The following NALF1 variants were observed in gnomAD, a reference collection of about 807,000 sequenced individuals.
NALF1 encodes family with sequence similarity 155 member A.
Under a neutral mutation model 48.4 loss-of-function variants are expected in NALF1, and 3 were observed. The observed-to-expected ratio is 0.06, with a 90% confidence interval of 0.03 to 0.16. NALF1 has a LOEUF of 0.16. NALF1 is among the 10% of genes least tolerant of loss of function. The probability of loss-of-function intolerance (pLI) is 1.00; values close to 1 mark genes in which losing one functional copy is unlikely to be tolerated. For synonymous variants in NALF1, 262 were observed against 245.7 expected, an observed-to-expected ratio of 1.07 and a Z score of -0.62; for missense variants, 526 against 571.5, an observed-to-expected ratio of 0.92 and a Z score of 0.81.
intron 1 of NALF1, among the ~76,000 whole-genome samples, chr13:107,524,723 G>A (rs1403997502): frequency 5.3e-5 from 8 of 152,194 alleles, no homozygotes; most frequent in South Asian, 4.1e-4. Flanking sequence ...TAGGGAAAAC[G>A]AATAAGATGG....
At position 107,173,422 on chromosome 13, in the gene NALF1, G is replaced by GT. The variant is rs879439265; in HGVS notation, c.1088-2637dup. ...CAATTTTCTATCCCTATACCACTTC[G>GT]TTTTTTTTTCTACAGATAATACTTG... On this transcript the variant is annotated intron_variant, in intron 2 of 2. Coordinates refer to ENST00000375915, the MANE Select transcript of NALF1 (RefSeq NM_001080396.3). 8.6e-5 allele frequency among the ~76,000 whole-genome samples: 13 copies of GT among 150,770 alleles called. 1 individual carries two copies. The highest frequency in any genetic ancestry group is 6.8e-3 in the Middle Eastern group (2 of 292).
chr13:107,199,689 C>T (rs545555246), intron 2 of NALF1, among the ~76,000 whole-genome samples: 19 of 152,242 alleles, frequency 1.2e-4, no homozygotes, highest in African/African-American at 2.4e-4. Flanking sequence ...TGTGTGGCGG[C>T]GGTGTGAACT....
intron 1 of NALF1, among the ~76,000 whole-genome samples, chr13:107,637,462 C>T (rs997965130): frequency 1.3e-5 from 2 of 152,072 alleles, no homozygotes; most frequent in African/African-American, 4.8e-5. Flanking sequence ...TATATTCTAA[C>T]CCCCCTAAAA....
At chr13:107,320,268 A>G (rs1882228585) in intron 1 of NALF1, among the ~76,000 whole-genome samples, 1 of 152,084 alleles carries the variant, frequency 6.6e-6, no homozygotes, top group Admixed American at 6.6e-5. Flanking sequence ...TCAGGAGAAA[A>G]ACACCCCATC....
At chr13:107,555,957 C>T (rs1877461772) in intron 1 of NALF1, among the ~76,000 whole-genome samples, 1 of 151,802 alleles carries the variant, frequency 6.6e-6, no homozygotes, top group South Asian at 2.1e-4. Flanking sequence ...AAAATAACTT[C>T]CTTGAGAAAT....
intron 1 of NALF1, among the ~76,000 whole-genome samples, chr13:107,467,763 G>A (rs763491985): frequency 1.7e-4 from 26 of 152,256 alleles, no homozygotes; most frequent in East Asian, 7.7e-4. Context: ...AGTATTGGCC[G>A]GGTGCGGTGG....
intron 1 of NALF1, among the ~76,000 whole-genome samples, chr13:107,708,116 G>C (rs1404304112): frequency 1.3e-5 from 2 of 151,582 alleles, no homozygotes; most frequent in East Asian, 3.9e-4. Flanking sequence ...CAAGGTAAAA[G>C]CAGGGACCTT....
chr13:107,182,036 T>G (rs1262679545), intron 2 of NALF1, among the ~76,000 whole-genome samples: 1 of 152,154 alleles, frequency 6.6e-6, no homozygotes, highest in Non-Finnish European at 1.5e-5. Flanking sequence ...TGTATCACAT[T>G]CTTTATCTAA....
intron 1 of NALF1, among the ~76,000 whole-genome samples, chr13:107,211,256 C>CT (rs1477759425): frequency 6.6e-6 from 1 of 152,126 alleles, no homozygotes. Context: ...AGATCTTGGA[C>CT]TTTGAGAGGC....
intron 1 of NALF1, among the ~76,000 whole-genome samples, chr13:107,782,625 C>A (rs1400486832): frequency 6.6e-6 from 1 of 151,804 alleles, no homozygotes; most frequent in African/African-American, 2.4e-5. Context: ...TCTTCCCGGC[C>A]GCCATCCCAT....
At chr13:107,822,685 C>T (rs1053445737) in intron 1 of NALF1, among the ~76,000 whole-genome samples, 1 of 152,126 alleles carries the variant, frequency 6.6e-6, no homozygotes, top group African/African-American at 2.4e-5. Flanking sequence ...ACCTACTTCA[C>T]GTTTCTTTTT....
At chr13:107,171,465 C>G (rs2138763438) in intron 2 of NALF1, among the ~76,000 whole-genome samples, 1 of 152,328 alleles carries the variant, frequency 6.6e-6, no homozygotes, top group South Asian at 2.1e-4. Flanking sequence ...TGTTCATCTT[C>G]TCATTTGATC....
chr13:107,445,239 C>T (rs529150574), intron 1 of NALF1, among the ~76,000 whole-genome samples: 2 of 152,294 alleles, frequency 1.3e-5, no homozygotes, highest in African/African-American at 4.8e-5. Context: ...TCTTTACAGC[C>T]ACCCTCTGCC....
chr13:107,330,517 A>T (rs1002802968), intron 1 of NALF1, among the ~76,000 whole-genome samples: 23 of 152,218 alleles, frequency 1.5e-4, no homozygotes, highest in African/African-American at 5.5e-4. Context: ...TTATATTTAC[A>T]ACCCAATATT....
intron 1 of NALF1, among the ~76,000 whole-genome samples, chr13:107,724,807 C>T (rs1006779155): frequency 2.6e-5 from 4 of 152,108 alleles, no homozygotes; most frequent in Non-Finnish European, 4.4e-5. Flanking sequence ...TCTCAAACTC[C>T]TGAGCCCAAA....
intron 1 of NALF1, among the ~76,000 whole-genome samples, chr13:107,379,898 T>A (rs1029187343): frequency 7.9e-5 from 12 of 152,302 alleles, no homozygotes; most frequent in African/African-American, 2.9e-4. Context: ...GATTGAAAAG[T>A]CTCACTGTTA....
chr13:107,654,558 C>A (rs1006759950), intron 1 of NALF1, among the ~76,000 whole-genome samples: 3 of 152,014 alleles, frequency 2.0e-5, no homozygotes, highest in Non-Finnish European at 4.4e-5. Context: ...CAGCTGAGTT[C>A]TATCAGACAT....
In NALF1 at chr13:107,169,551, A is replaced by C. The variant is rs1362679701; in HGVS notation, c.*946T>G. On this transcript the variant is annotated 3_prime_UTR_variant, in exon 3 of 3. Transcript: ENST00000375915. The stretch of plus-strand genomic sequence containing the variant: ...CTCACTCCCCGCATCCTGATTCTAG[A>C]TAGCTGCTCCTGTCCAACTGGACCA... 6.6e-6 allele frequency: 1 copy of C among 152,314 alleles called. No homozygotes were observed. Among genetic ancestry groups the C allele is most frequent in the African/African-American group, 2.4e-5 (1 of 41,570 alleles). 9.4% of individuals were successfully genotyped at this position (152,314 alleles called of 1,614,324 possible).
rs1307626112 is a variant in NALF1 at position 107,499,013 on chromosome 13, T to C, written c.916-288258A>G. 9.2e-5 allele frequency among the ~76,000 whole-genome samples: 14 copies of C among 152,190 alleles called. No homozygotes were observed. The East Asian group carries it at 2.7e-3, about 29-fold the overall frequency. ...TCTGTCTATATGGGTGTTCAGTACA[T>C]ATCTAACACACACACATAAACACAA... On this transcript the variant is annotated intron_variant, in intron 1 of 2. Coordinates refer to ENST00000375915, the MANE Select transcript of NALF1 (RefSeq NM_001080396.3).
Sources: allele counts gnomAD v4.1 joint callset (sites outside exome capture counted in the v4.1 genomes callset), GRCh38; gene constraint gnomAD v4.1.1; transcripts MANE v1.5; gene names NCBI Gene and HGNC (gene_info 2026-07-23, HGNC 2026-07-21).